TMPRSS11B: variants seen among roughly 807,000 people sequenced by gnomAD.
TMPRSS11B encodes transmembrane protease serine 11B.
A neutral mutation model predicts 44.7 loss-of-function variants in TMPRSS11B; 53 were observed. That is an observed-to-expected ratio of 1.19 (90% CI 0.95 to 1.49). The LOEUF (loss-of-function observed/expected upper bound fraction) is 1.49, where lower values mean the gene tolerates loss of function less well. Among genes scored for constraint, TMPRSS11B ranks in the 40% most tolerant of loss-of-function variants. TMPRSS11B has a pLI of 0.00. For synonymous variants in TMPRSS11B, 140 were observed against 159.2 expected (o/e 0.88, Z 0.91); for missense variants, 526 against 494.8 (o/e 1.06, Z -0.60).
At chr4:68,233,132 G>A (rs1011150654) in intron 5 of TMPRSS11B, among the ~76,000 whole-genome samples, 2 of 151,984 alleles carry the variant, frequency 1.3e-5, no homozygotes, top group Admixed American at 6.6e-5. Context: ...ACTAGAAAAT[G>A]CTGACTATAC....
Position 68,234,463 on chromosome 4 carries a change from C to T in TMPRSS11B, c.469G>A (p.Glu157Lys), listed in dbSNP as rs1359111823. Residue 157 changes from glutamate to lysine, a missense_variant and splice_region_variant, in exon 5 of 10, where the codon GAA (glutamate) becomes AAA (lysine). Physicochemically the swap from Glu to Lys is moderately conservative, Grantham distance 56. Coordinates refer to ENST00000332644, the MANE Select transcript of TMPRSS11B (RefSeq NM_182502.3). ...NAVPASIKLM[E>K]ISKAASEMLT... is the part of the protein sequence containing the mutation. ...AAAATAATGGAAATAAGTCAAATAC[C>T]CATGAGTTTAATGGAAGCAGGAACT... The T allele has an allele frequency of 6.2e-7, 1 of 1,612,158 alleles. No homozygotes were observed. Among genetic ancestry groups the T allele is most frequent in the East Asian group, 2.2e-5 (1 of 44,766 alleles).
intron 2 of TMPRSS11B, among the ~76,000 whole-genome samples, chr4:68,239,300 G>A (rs1269369539): frequency 1.3e-5 from 2 of 151,522 alleles, no homozygotes; most frequent in Admixed American, 1.3e-4. Flanking sequence ...TATCTCTCTC[G>A]CTCTCTCTCT....
At chr4:68,241,022 T>A (rs1234301133) in intron 2 of TMPRSS11B, among the ~76,000 whole-genome samples, 1 of 152,138 alleles carries the variant, frequency 6.6e-6, no homozygotes, top group African/African-American at 2.4e-5. Flanking sequence ...GTGTACTGTA[T>A]GTGAAAATAA....
At chr4:68,235,685 C>T (rs539429021) in intron 4 of TMPRSS11B, among the ~76,000 whole-genome samples, 1 of 152,266 alleles carries the variant, frequency 6.6e-6, no homozygotes, top group East Asian at 1.9e-4. Context: ...TATCTTTCAT[C>T]ATAGCAGTCA....
Position 68,231,231 on chromosome 4 carries a change from G to T in TMPRSS11B, c.658C>A (p.Leu220Ile). ...CGASLISSRW[L>I]LSAAHCFAKK... Reference sequence around the variant, plus strand: ...GCAAAGCAGTGAGCTGCAGATAATAGCCACCTGCTGCTGATCAGAGAGGCT... The same window carrying T: ...GCAAAGCAGTGAGCTGCAGATAATATCCACCTGCTGCTGATCAGAGAGGCT... The change falls in exon 7 of 10, where the codon CTA becomes ATA. Residue 220 changes from leucine (L) to isoleucine (I), a missense_variant. Coordinates refer to ENST00000332644, the MANE Select transcript of TMPRSS11B (RefSeq NM_182502.3). The T allele has an allele frequency of 6.2e-7, 1 of 1,611,378 alleles. No individual in the cohort carries two copies. The highest frequency in any genetic ancestry group is 8.5e-7 in the Non-Finnish European group (1 of 1,179,262).
chr4:68,233,826 C>A (rs940232677), intron 5 of TMPRSS11B, among the ~76,000 whole-genome samples: 3 of 151,916 alleles, frequency 2.0e-5, no homozygotes, highest in African/African-American at 7.3e-5. Context: ...ACCAAGAAAG[C>A]CCTAAATCTG....
At chr4:68,241,484 C>CTTAGTGATATG (rs1474798390) in intron 2 of TMPRSS11B, among the ~76,000 whole-genome samples, 2 of 152,010 alleles carry the variant, frequency 1.3e-5, no homozygotes. Flanking sequence ...CTTGCTCATA[C>CTTAGTGATATG]CCCCATAGTT....
At chr4:68,232,304 T>A (rs564571698) in intron 6 of TMPRSS11B, 74 bp downstream of exon 6, 1 of 1,403,320 alleles carries the variant, frequency 7.1e-7, no homozygotes, top group South Asian at 1.2e-5. Flanking sequence ...ATATTTCAAG[T>A]ATTTTTAATA....
At chr4:68,229,601 C>T in intron 7 of TMPRSS11B, 85 bp from the exon 8 acceptor site, 4 of 1,279,174 alleles carry the variant, frequency 3.1e-6, no homozygotes, top group Non-Finnish European at 4.3e-6. Context: ...AATTTTAAGG[C>T]ATGAGGTTCC....
rs138592272 is a variant in TMPRSS11B at position 68,234,617 on chromosome 4, A to G, written c.315T>C (p.Asn105=). ...VKSEVIKLLP[N]ANGSNVQLQL... The stretch of plus-strand genomic sequence containing the variant: ...GTAACTGCACATTTGAACCATTGGC[A>G]TTAGGCCTAGAAACAACAGAAATTT... Residue 105 remains asparagine (N), a synonymous_variant, in exon 5 of 10, where the codon AAT becomes AAC. Coordinates refer to ENST00000332644, the MANE Select transcript of TMPRSS11B (RefSeq NM_182502.3). The G allele has an allele frequency of 9.7e-5, 157 of 1,613,612 alleles. No homozygotes were observed. The highest frequency in any genetic ancestry group is 1.2e-4 in the Non-Finnish European group (143 of 1,179,876).
At chr4:68,233,995 C>T (rs191655676) in intron 5 of TMPRSS11B, among the ~76,000 whole-genome samples, 1 of 151,904 alleles carries the variant, frequency 6.6e-6, no homozygotes, top group African/African-American at 2.4e-5. Flanking sequence ...CATGGTAAAA[C>T]CCTGTCTCTA....
At position 68,227,884 on chromosome 4, in the gene TMPRSS11B, A is replaced by G; in HGVS notation, c.*27T>C. 2 of 1,561,304 alleles carry G rather than the reference A, an allele frequency of 1.3e-6. No individual in the cohort carries two copies. The highest frequency in any genetic ancestry group is 1.7e-6 in the Non-Finnish European group (2 of 1,157,228). On this transcript the variant is annotated 3_prime_UTR_variant, in exon 10 of 10. Coordinates refer to ENST00000332644, the MANE Select transcript of TMPRSS11B (RefSeq NM_182502.3). ...ATAAGGATAGCCTACAGTGGTCTTT[A>G]TGTTCCTTTGTATAATTCCTTTTTT...
At position 68,231,309 on chromosome 4, in the gene TMPRSS11B, C is replaced by T; in HGVS notation, c.580G>A (p.Gly194Arg). Residue 194 changes from glycine to arginine, a missense_variant, in exon 7 of 10, where the codon GGG (glycine) becomes AGG (arginine). Transcript: ENST00000332644. ...ATGCTGGCCTGCCATGGCCATGCCC[C>T]CTCCAGGGAGCTTTTTCCATTCACA... Reference protein sequence around the residue: ...KIVNGKSSLEGAWPWQASMQW... With the variant: ...KIVNGKSSLERAWPWQASMQW... 2.5e-6 allele frequency: 4 copies of T among 1,613,906 alleles called. No homozygotes were observed. The Admixed American group carries it at 5.0e-5, about 20-fold the overall frequency.
intron 1 of TMPRSS11B, among the ~76,000 whole-genome samples, chr4:68,243,168 A>T (rs993365378): frequency 3.3e-5 from 5 of 152,188 alleles, no homozygotes; most frequent in Non-Finnish European, 5.9e-5. Context: ...AATGCAAAAC[A>T]TCCTCAGCTG....
chr4:68,232,189 A>G (rs1719534811), intron 6 of TMPRSS11B, 189 bp downstream of exon 6: 1 of 377,388 alleles, frequency 2.6e-6, no homozygotes, highest in Non-Finnish European at 4.8e-6. Flanking sequence ...ATATTTTTTA[A>G]TAAATGTTAA....
intron 1 of TMPRSS11B, among the ~76,000 whole-genome samples, chr4:68,242,236 A>AT (rs1560445392): frequency 3.6e-5 from 3 of 83,114 alleles, no homozygotes; most frequent in Admixed American, 4.1e-4. Flanking sequence ...TATATTATAT[A>AT]TATTATATTA....
At chr4:68,229,629 C>T in intron 7 of TMPRSS11B, 113 bp from the exon 8 acceptor site, 3 of 926,100 alleles carry the variant, frequency 3.2e-6, no homozygotes, top group Admixed American at 5.4e-5. Flanking sequence ...AACTATAAAC[C>T]ACTGAAATTC....
chr4:68,242,292 TACATA>T (rs1329411698), intron 1 of TMPRSS11B, among the ~76,000 whole-genome samples: 994 of 17,464 alleles, frequency 0.057, 13 homozygotes, highest in South Asian at 0.17. Flanking sequence ...TATTATATTA[TACATA>T]ATATAATATA....
intron 2 of TMPRSS11B, among the ~76,000 whole-genome samples, chr4:68,236,579 T>C (rs1012904758): frequency 1.3e-5 from 2 of 152,190 alleles, no homozygotes; most frequent in African/African-American, 2.4e-5. Flanking sequence ...ATTCATTCAA[T>C]GATCCCCGCT....
Sources: allele counts gnomAD v4.1 joint callset (sites outside exome capture counted in the v4.1 genomes callset), GRCh38; gene constraint gnomAD v4.1.1; transcripts MANE v1.5; gene names NCBI Gene and HGNC (gene_info 2026-07-23, HGNC 2026-07-21).